The following NTM variants were observed in gnomAD, a reference collection of about 807,000 sequenced individuals.
NTM encodes the protein neurotrimin.
NTM carries 13 observed loss-of-function variants against 42.1 expected under a neutral mutation model. That is an observed-to-expected ratio of 0.31 (90% CI 0.20 to 0.49). NTM has a LOEUF of 0.49. NTM is among the 20% of genes least tolerant of loss of function. NTM has a pLI of 0.99. For missense variants in NTM, 373 were observed against 452.8 expected (o/e 0.82, Z 1.60); for synonymous variants, 187 against 179.2 (o/e 1.04, Z -0.35).
intron 2 of NTM, among the ~76,000 whole-genome samples, chr11:131,970,296 G>A (rs532044622): frequency 1.3e-5 from 2 of 152,274 alleles, no homozygotes; most frequent in Admixed American, 6.5e-5. Context: ...GGATTTGATT[G>A]TATGTTTTCT....
chr11:132,301,867 A>ATATT (rs2094875790), intron 4 of NTM, among the ~76,000 whole-genome samples: 2 of 152,256 alleles, frequency 1.3e-5, no homozygotes, highest in African/African-American at 2.4e-5. Context: ...TGCCATAAAA[A>ATATT]TATTAAGCAA....
chr11:131,445,281 C>A (rs1167381035), intron 1 of NTM, among the ~76,000 whole-genome samples: 1 of 152,208 alleles, frequency 6.6e-6, no homozygotes, highest in Non-Finnish European at 1.5e-5. Context: ...CATGCAGAGA[C>A]CCAGCTTTAC....
chr11:132,189,197 T>C (rs1169370271), intron 3 of NTM, among the ~76,000 whole-genome samples: 4 of 152,156 alleles, frequency 2.6e-5, no homozygotes, highest in Non-Finnish European at 4.4e-5. Flanking sequence ...AACTGAGATT[T>C]GTTTCTCTGT....
chr11:132,108,766 A>C (rs1312996708), intron 2 of NTM, among the ~76,000 whole-genome samples: 2 of 152,230 alleles, frequency 1.3e-5, no homozygotes, highest in Non-Finnish European at 2.9e-5. Flanking sequence ...CAGGTTTTTT[A>C]CATAGGTATA....
chr11:131,440,408 T>C (rs1269698940), intron 1 of NTM, among the ~76,000 whole-genome samples: 2 of 152,164 alleles, frequency 1.3e-5, no homozygotes, highest in African/African-American at 4.8e-5. Flanking sequence ...TGTATTCTTG[T>C]GGGTGGCTTT....
intron 1 of NTM, among the ~76,000 whole-genome samples, chr11:131,494,709 A>G (rs1955153322): frequency 6.6e-6 from 1 of 152,214 alleles, no homozygotes; most frequent in Admixed American, 6.5e-5. Context: ...AATATCTCCT[A>G]CCAACTGACC....
intron 2 of NTM, among the ~76,000 whole-genome samples, chr11:132,082,073 C>G (rs1159010561): frequency 6.7e-6 from 1 of 149,668 alleles, no homozygotes; most frequent in Non-Finnish European, 1.5e-5. Flanking sequence ...AAAAAAAAAA[C>G]CCTTCATTTC....
In NTM at chr11:132,169,320, C is replaced by CTTTTTTTTTTTTTTTT. The variant is rs567723794; in HGVS notation, c.400+22823_400+22838dup. ...GTGATATCTAGGTTTAATTTTTTTA[C>CTTTTTTTTTTTTTTTT]TTTTTTTTTTTTTTTTTTTTTTTTT... On this transcript the variant is annotated intron_variant, in intron 3 of 8. Coordinates refer to ENST00000683400, the MANE Select transcript of NTM (RefSeq NM_001352005.2). Among the ~76,000 whole-genome samples, 133 of 32,372 alleles carry CTTTTTTTTTTTTTTTT rather than the reference C, an allele frequency of 4.1e-3. 49 individuals carry two copies. The highest frequency in any genetic ancestry group is 4.6e-3 in the Non-Finnish European group (84 of 18,372). The allele number at this position is 32,372 out of a possible 152,430, so 21.2% of individuals were successfully genotyped here.
intron 2 of NTM, among the ~76,000 whole-genome samples, chr11:131,948,384 A>AGAAACAAAAAAAAG (rs1555189019): frequency 6.8e-6 from 1 of 147,518 alleles, no homozygotes; most frequent in African/African-American, 2.6e-5. Flanking sequence ...AAAAAAACAA[A>AGAAACAAAAAAAAG]AAAACAAAAA....
intron 1 of NTM, among the ~76,000 whole-genome samples, chr11:131,598,418 A>T (rs2059997557): frequency 6.6e-6 from 1 of 152,214 alleles, no homozygotes; most frequent in Non-Finnish European, 1.5e-5. Flanking sequence ...GTCTTTCTAC[A>T]CTGTCCTTGT....
intron 4 of NTM, among the ~76,000 whole-genome samples, chr11:132,226,288 C>T (rs2138953473): frequency 6.6e-6 from 1 of 152,320 alleles, no homozygotes; most frequent in East Asian, 1.9e-4. Flanking sequence ...AATTGCCACA[C>T]TGTCTTGCAC....
intron 8 of NTM, among the ~76,000 whole-genome samples, chr11:132,331,065 G>T (rs544599592): frequency 1.3e-5 from 2 of 152,334 alleles, no homozygotes; most frequent in East Asian, 3.9e-4. Context: ...CACGCCTGCG[G>T]TTCTCACCTT....
At chr11:132,219,060 A>T (rs973683572) in intron 4 of NTM, among the ~76,000 whole-genome samples, 2 of 151,950 alleles carry the variant, frequency 1.3e-5, no homozygotes, top group African/African-American at 4.8e-5. Context: ...TTTTCTCCAC[A>T]CACCACAGTC....
chr11:132,200,855 C>T (rs971206600), intron 3 of NTM, among the ~76,000 whole-genome samples: 10 of 152,302 alleles, frequency 6.6e-5, no homozygotes, highest in Middle Eastern at 3.4e-3. Context: ...AGAACATTAG[C>T]AGAATCATGG....
chr11:131,952,084 C>T lies in NTM; in HGVS notation c.167+40436C>T, dbSNP rs76328593. On this transcript the variant is annotated intron_variant, in intron 2 of 8. Coordinates refer to ENST00000683400, the MANE Select transcript of NTM (RefSeq NM_001352005.2). The stretch of plus-strand genomic sequence containing the variant: ...CCTCTGTGTCCTTGCTTATAGACTC[C>T]TCCTCCTGAAATACTTCCTTCTATT... 9.5e-3 allele frequency among the ~76,000 whole-genome samples: 1,448 copies of T among 152,056 alleles called. 11 individuals carry two copies. The highest frequency in any genetic ancestry group is 0.015 in the Admixed American group (222 of 15,274).
At chr11:131,477,889 C>T (rs1953121301) in intron 1 of NTM, among the ~76,000 whole-genome samples, 2 of 151,350 alleles carry the variant, frequency 1.3e-5, no homozygotes, top group African/African-American at 2.4e-5. Flanking sequence ...GTTTAGCAGG[C>T]CACCAGGTTC....
rs1213886003 is a variant in NTM at position 131,733,442 on chromosome 11, TTTTCCTTCCTTCCTTCCTTC to T, written c.83-178101_83-178082del. The stretch of plus-strand genomic sequence containing the variant: ...CCATTAAAATTTATTGTAAAATGTC[TTTTCCTTCCTTCCTTCCTTC>T]TTTCCTTCCTTCCTTCCTTCCTTCC... On this transcript the variant is annotated intron_variant, in intron 1 of 8. Coordinates refer to ENST00000683400, the MANE Select transcript of NTM (RefSeq NM_001352005.2). 2.6e-4 allele frequency among the ~76,000 whole-genome samples: 38 copies of T among 144,222 alleles called. 1 individual carries two copies. The highest frequency in any genetic ancestry group is 1.1e-3 in the African/African-American group (38 of 36,100). The allele number at this position is 144,222 out of a possible 152,430, so 94.6% of individuals were successfully genotyped here.
chr11:131,440,549 TC>T (rs1429409432), intron 1 of NTM, among the ~76,000 whole-genome samples: 1 of 152,028 alleles, frequency 6.6e-6, no homozygotes, highest in Non-Finnish European at 1.5e-5. Context: ...GTCTGCTAGG[TC>T]CCTGCCCCTT....
chr11:132,024,242 T>C (rs2074839415), intron 2 of NTM, among the ~76,000 whole-genome samples: 1 of 152,132 alleles, frequency 6.6e-6, no homozygotes, highest in South Asian at 2.1e-4. Context: ...GCCTTTACCG[T>C]CAGCTTGTTT....
Sources: allele counts gnomAD v4.1 joint callset (sites outside exome capture counted in the v4.1 genomes callset), GRCh38; gene constraint gnomAD v4.1.1; transcripts MANE v1.5; gene names NCBI Gene and HGNC (gene_info 2026-07-23, HGNC 2026-07-21).